NTN1: variants seen among roughly 807,000 people sequenced by gnomAD.
The protein encoded by NTN1 is netrin-1.
In NTN1, 11 loss-of-function variants were observed where a neutral mutation model predicts 54.2. The observed-to-expected ratio is 0.20, with a 90% CI of 0.13 to 0.34. The LOEUF (loss-of-function observed/expected upper bound fraction) is 0.34, where lower values mean the gene tolerates loss of function less well. Among genes scored for constraint, NTN1 ranks in the 10% least tolerant of loss-of-function variants. The pLI is 1.00. For synonymous variants in NTN1, 371 were observed against 382.0 expected (o/e 0.97, Z 0.33); for missense variants, 740 against 893.1 (o/e 0.83, Z 2.18).
intron 2 of NTN1, 84 bp from the exon 3 acceptor site, chr17:9,162,729 G>A: frequency 7.7e-7 from 1 of 1,293,244 alleles, no homozygotes; most frequent in East Asian, 2.3e-5. Context: ...GAGGAGTTGA[G>A]GGGTGGGGTT....
intron 2 of NTN1, among the ~76,000 whole-genome samples, chr17:9,147,562 C>T (rs2092317393): frequency 1.3e-5 from 2 of 152,214 alleles, no homozygotes; most frequent in Non-Finnish European, 2.9e-5. Flanking sequence ...CTGTAAGGAT[C>T]TGACATCCCA....
chr17:9,226,171 G>GGGGGC (rs1555578672), intron 6 of NTN1, among the ~76,000 whole-genome samples: 1 of 147,538 alleles, frequency 6.8e-6, no homozygotes, highest in Non-Finnish European at 1.5e-5. Flanking sequence ...TCGGGGGGGG[G>GGGGGC]CCTCAGTGCC....
the NTN1 span, among the ~76,000 whole-genome samples, chr17:9,006,821 A>G: frequency 6.6e-6 from 1 of 152,180 alleles, no homozygotes; most frequent in African/African-American, 2.4e-5. Context: ...TGTGCTGGGT[A>G]CTCAGGGTTA....
chr17:9,184,716 T>C (rs2092428223), intron 5 of NTN1, among the ~76,000 whole-genome samples: 1 of 152,178 alleles, frequency 6.6e-6, no homozygotes, highest in Non-Finnish European at 1.5e-5. Context: ...TTTGAGTTTC[T>C]CACAAACCCA....
chr17:9,221,147 T>TG lies in NTN1; in HGVS notation c.1412-21_1412-20insG. The stretch of plus-strand genomic sequence containing the variant: ...CAGCCTAATTAGTTTTTGTCTGTGC[T>TG]CCCCCCCCACCCCCCTGCAGACTGC... On this transcript the variant is annotated intron_variant, in intron 5 of 6. Coordinates refer to ENST00000173229, the MANE Select transcript of NTN1 (RefSeq NM_004822.3). The surrounding 1 kb of genome is among the most constrained non-coding windows in gnomAD (Gnocchi z 4.5). The TG allele has an allele frequency of 6.7e-5, 87 of 1,303,670 alleles. No individual in the cohort carries two copies. The highest frequency in any genetic ancestry group is 8.7e-5 in the Non-Finnish European group (83 of 952,750). The allele number at this position is 1,303,670 out of a possible 1,614,324, so 80.8% of individuals were successfully genotyped here. A position where few individuals can be genotyped will look rare whatever the true frequency, so the allele number is the denominator to read the frequency against.
At position 9,211,596 on chromosome 17, in the gene NTN1, C is replaced by T. The variant is rs185607504; in HGVS notation, c.1412-9572C>T. 1.4e-4 allele frequency among the ~76,000 whole-genome samples: 22 copies of T among 152,294 alleles called. No homozygotes were observed. The highest frequency in any genetic ancestry group is 5.1e-4 in the African/African-American group (21 of 41,562). ...TAAATTCCTAGAAGTGCGGTTGCTG[C>T]GTTGGAGTATGCATGTGTATGTTCT... On this transcript the variant is annotated intron_variant, in intron 5 of 6. Coordinates refer to ENST00000173229, the MANE Select transcript of NTN1 (RefSeq NM_004822.3). The surrounding 1 kb of genome is among the most constrained non-coding windows in gnomAD (Gnocchi z 4.4).
chr17:9,112,183 TGGG>T (rs2092193850), intron 2 of NTN1, among the ~76,000 whole-genome samples: 3 of 152,188 alleles, frequency 2.0e-5, no homozygotes, highest in Admixed American at 2.0e-4. Context: ...GGAGCCCCAG[TGGG>T]GCCAAGGACA....
chr17:9,103,414 A>G (rs988979515), intron 2 of NTN1, among the ~76,000 whole-genome samples: 5 of 152,144 alleles, frequency 3.3e-5, no homozygotes, highest in African/African-American at 1.2e-4. Context: ...AGGTAATTGA[A>G]TCATGGGGGA....
chr17:9,028,765 C>T lies in NTN1; in HGVS notation c.1018+5374C>T, dbSNP rs4791331. Among the ~76,000 whole-genome samples, 78,919 of 152,042 alleles carry T rather than the reference C, an allele frequency of 0.52. 21,610 individuals are homozygous for T. The highest frequency in any genetic ancestry group is 0.69 in the African/African-American group (28,543 of 41,478). On this transcript the variant is annotated intron_variant, in intron 2 of 6. Coordinates refer to ENST00000173229, the MANE Select transcript of NTN1 (RefSeq NM_004822.3). ...CAACATTGTATTCTTAATAGACTTTCATGTTTACACTTCAAATGTCCACTG... is the reference window on the plus strand; with the variant it reads ...CAACATTGTATTCTTAATAGACTTTTATGTTTACACTTCAAATGTCCACTG...
intron 2 of NTN1, among the ~76,000 whole-genome samples, chr17:9,032,653 A>T (rs1247116647): frequency 2.6e-5 from 4 of 152,280 alleles, no homozygotes; most frequent in African/African-American, 9.6e-5. Context: ...TTGTGTTTAC[A>T]GATACAGAAT....
intron 5 of NTN1, among the ~76,000 whole-genome samples, chr17:9,200,978 A>G (rs1904766365): frequency 1.3e-5 from 2 of 152,124 alleles, no homozygotes; most frequent in African/African-American, 4.8e-5. Context: ...CAAGTCCAAC[A>G]AGGTGTCTTG....
intron 5 of NTN1, among the ~76,000 whole-genome samples, chr17:9,186,068 C>T (rs372836748): frequency 5.0e-4 from 76 of 152,256 alleles, no homozygotes; most frequent in African/African-American, 1.8e-3. Context: ...CCCTGAGGAT[C>T]CACTTCTCCC....
intron 2 of NTN1, among the ~76,000 whole-genome samples, chr17:9,025,575 A>T (rs1002379929): frequency 6.6e-6 from 1 of 152,234 alleles, no homozygotes; most frequent in Non-Finnish European, 1.5e-5. Flanking sequence ...CATAAAAGCA[A>T]AGCCAATTCA....
chr17:9,203,146 C>T (rs1597536080), intron 5 of NTN1, among the ~76,000 whole-genome samples: 2 of 146,788 alleles, frequency 1.4e-5, no homozygotes, highest in East Asian at 3.9e-4. Flanking sequence ...TGATCTCGAT[C>T]TCCTGACCTC....
At chr17:9,044,520 G>A (rs2091934993) in intron 2 of NTN1, among the ~76,000 whole-genome samples, 1 of 152,128 alleles carries the variant, frequency 6.6e-6, no homozygotes, top group Non-Finnish European at 1.5e-5. Context: ...ATAGACATGA[G>A]CCACCACACC....
chr17:9,042,786 C>CA (rs774209137), intron 2 of NTN1, among the ~76,000 whole-genome samples: 2,218 of 116,670 alleles, frequency 0.019, 32 homozygotes, highest in African/African-American at 0.045. Context: ...GACTCCATCT[C>CA]AAAAAAAAAA....
intron 2 of NTN1, among the ~76,000 whole-genome samples, chr17:9,069,636 T>G (rs930614313): frequency 4.6e-5 from 7 of 152,170 alleles, no homozygotes; most frequent in African/African-American, 1.7e-4. Flanking sequence ...CCTGCCTGCT[T>G]CTTGGGACTC....
At position 9,174,411 on chromosome 17, in the gene NTN1, T is replaced by G. The variant is rs1057386493; in HGVS notation, c.1208-5396T>G. ...TACCTGAGGCTCCACACAGGTGTGT[T>G]AGTCAGTGCAGGCTGCAAAGTGCCT... On this transcript the variant is annotated intron_variant, in intron 3 of 6. Coordinates refer to ENST00000173229, the MANE Select transcript of NTN1 (RefSeq NM_004822.3). 7 of 152,578 alleles carry G rather than the reference T, an allele frequency of 4.6e-5. No individual in the cohort carries two copies. In the East Asian group the frequency reaches 1.3e-3, roughly 29 times the overall value. The allele number at this position is 152,578 out of a possible 1,614,324, so 9.5% of individuals were successfully genotyped here.
At chr17:9,058,809 C>T (rs1374946201) in intron 2 of NTN1, among the ~76,000 whole-genome samples, 2 of 151,912 alleles carry the variant, frequency 1.3e-5, no homozygotes, top group African/African-American at 4.8e-5. Flanking sequence ...GAAGCTTGCC[C>T]CCGCCTAGAA....
Sources: allele counts gnomAD v4.1 joint callset (sites outside exome capture counted in the v4.1 genomes callset), GRCh38; gene constraint gnomAD v4.1.1; non-coding constraint Gnocchi (gnomAD v3.1); transcripts MANE v1.5; gene names NCBI Gene and HGNC (gene_info 2026-07-23, HGNC 2026-07-21).